The following PLCL2 variants were observed in gnomAD, a reference collection of about 807,000 sequenced individuals.
PLCL2 encodes the protein phospholipase C like 2.
A neutral mutation model predicts 79.6 loss-of-function variants in PLCL2; 4 were observed. The observed-to-expected ratio is 0.05, with a 90% CI of 0.02 to 0.11. The LOEUF (loss-of-function observed/expected upper bound fraction) is 0.11, where lower values mean the gene tolerates loss of function less well. Among genes scored for constraint, PLCL2 ranks in the 10% least tolerant of loss-of-function variants. The pLI is 1.00. For synonymous variants in PLCL2, 484 were observed against 457.7 expected, an observed-to-expected ratio of 1.06 and a Z score of -0.73; for missense variants, 895 against 1,291.0, an observed-to-expected ratio of 0.69 and a Z score of 4.70.
intron 4 of PLCL2, among the ~76,000 whole-genome samples, chr3:17,050,902 C>G (rs1403533170): frequency 6.6e-6 from 1 of 152,184 alleles, no homozygotes; most frequent in Non-Finnish European, 1.5e-5. Flanking sequence ...ACCTAAGCAT[C>G]TACCAACAGT....
At chr3:17,001,024 A>G (rs2064205631) in intron 1 of PLCL2, among the ~76,000 whole-genome samples, 1 of 152,078 alleles carries the variant, frequency 6.6e-6, no homozygotes, top group South Asian at 2.1e-4. Context: ...TGGCTATACT[A>G]ATTTACATTT....
intron 1 of PLCL2, among the ~76,000 whole-genome samples, chr3:16,981,625 T>C (rs917597067): frequency 6.6e-6 from 1 of 152,246 alleles, no homozygotes; most frequent in Non-Finnish European, 1.5e-5. Context: ...AAAACTGTAT[T>C]TGAAGATTAA....
At chr3:17,021,305 C>A (rs146524294) in intron 3 of PLCL2, among the ~76,000 whole-genome samples, 28 of 152,204 alleles carry the variant, frequency 1.8e-4, no homozygotes, top group Admixed American at 3.9e-4. Context: ...TCTCTGAAAT[C>A]ATCAAAACCA....
chr3:16,975,685 G>A (rs569605305), intron 1 of PLCL2, among the ~76,000 whole-genome samples: 1 of 152,258 alleles, frequency 6.6e-6, no homozygotes, highest in East Asian at 1.9e-4. Context: ...TGTGTGTGAG[G>A]AGGTGTGCCC....
chr3:16,928,435 A>T (rs1697309772), intron 1 of PLCL2, among the ~76,000 whole-genome samples: 1 of 152,176 alleles, frequency 6.6e-6, no homozygotes, highest in Admixed American at 6.5e-5. Context: ...TCCTCCAGGG[A>T]TGAGAAGCTT....
chr3:16,973,796 GT>G (rs2063897594), intron 1 of PLCL2, among the ~76,000 whole-genome samples: 2 of 152,286 alleles, frequency 1.3e-5, no homozygotes, highest in South Asian at 4.1e-4. Context: ...AATAGAAATA[GT>G]CATGATTTTG....
At chr3:16,889,882 G>T (rs1312659392) in intron 1 of PLCL2, among the ~76,000 whole-genome samples, 1 of 151,026 alleles carries the variant, frequency 6.6e-6, no homozygotes, top group East Asian at 2.0e-4. Flanking sequence ...ATTTTTTTTT[G>T]AATGGGGGAA....
At chr3:17,018,911 G>T (rs1319472587) in intron 3 of PLCL2, among the ~76,000 whole-genome samples, 1 of 152,076 alleles carries the variant, frequency 6.6e-6, no homozygotes, top group African/African-American at 2.4e-5. Flanking sequence ...GCAACATGAG[G>T]TAATATAAAG....
chr3:17,043,776 A>AT (rs1483573592), intron 4 of PLCL2, among the ~76,000 whole-genome samples: 2 of 151,880 alleles, frequency 1.3e-5, no homozygotes, highest in Non-Finnish European at 2.9e-5. Flanking sequence ...TATGTGTGAC[A>AT]TTTTTTTTCT....
intron 3 of PLCL2, among the ~76,000 whole-genome samples, chr3:17,016,808 A>C (rs978746189): frequency 1.4e-4 from 22 of 152,240 alleles, no homozygotes; most frequent in African/African-American, 5.3e-4. Context: ...CCACAAATAA[A>C]ATCACATACC....
intron 1 of PLCL2, among the ~76,000 whole-genome samples, chr3:16,914,786 G>T (rs7614547): frequency 0.13 from 20,427 of 151,874 alleles, 1,669 homozygotes; most frequent in African/African-American, 0.23. Context: ...ACCCAGGCTG[G>T]AGTGCAGTGG....
intron 1 of PLCL2, among the ~76,000 whole-genome samples, chr3:16,959,657 G>T (rs2063737616): frequency 6.6e-6 from 1 of 152,100 alleles, no homozygotes; most frequent in Non-Finnish European, 1.5e-5. Flanking sequence ...ACAAGCAGCA[G>T]ATATCACCTC....
intron 5 of PLCL2, among the ~76,000 whole-genome samples, chr3:17,080,116 G>T (rs776168930): frequency 6.6e-6 from 1 of 152,168 alleles, no homozygotes; most frequent in African/African-American, 2.4e-5. Flanking sequence ...TGCAGCTCAT[G>T]TTCCATGCCC....
chr3:16,898,046 C>T (rs1353291624), intron 1 of PLCL2, among the ~76,000 whole-genome samples: 2 of 152,036 alleles, frequency 1.3e-5, no homozygotes, highest in African/African-American at 2.4e-5. Flanking sequence ...GAAGCTTGTG[C>T]CCCTCACTTG....
At chr3:17,000,546 T>C (rs1351372063) in intron 1 of PLCL2, among the ~76,000 whole-genome samples, 1 of 152,068 alleles carries the variant, frequency 6.6e-6, no homozygotes, top group Admixed American at 6.6e-5. Flanking sequence ...ATTTCTTCTG[T>C]CATTTTATAC....
chr3:16,954,990 G>A (rs978487179), intron 1 of PLCL2, among the ~76,000 whole-genome samples: 35 of 152,200 alleles, frequency 2.3e-4, no homozygotes, highest in Non-Finnish European at 1.5e-5. Flanking sequence ...TGTTCACTCT[G>A]ATGGTAGTTT....
In PLCL2 at chr3:16,915,303, A is replaced by G. The variant is rs1325158053; in HGVS notation, c.327+29937A>G. 5.3e-5 allele frequency among the ~76,000 whole-genome samples: 8 copies of G among 152,232 alleles called. No individual in the cohort carries two copies. In the East Asian group the frequency reaches 1.3e-3, roughly 26 times the overall value. On this transcript the variant is annotated intron_variant, in intron 1 of 5. Transcript: ENST00000615277. ...ATATTTATTCTCACCTTGCCTATTT[A>G]TTTATTTACCTTGCAGTCTTTTTTA... is the stretch of plus-strand genomic sequence containing the variant.
At chr3:16,976,528 A>G (rs1048576717) in intron 1 of PLCL2, among the ~76,000 whole-genome samples, 1 of 152,180 alleles carries the variant, frequency 6.6e-6, no homozygotes, top group Non-Finnish European at 1.5e-5. Flanking sequence ...CTTAAAGTCA[A>G]TTTATTTACT....
At chr3:16,917,092 C>T (rs1271037728) in intron 1 of PLCL2, among the ~76,000 whole-genome samples, 4 of 152,134 alleles carry the variant, frequency 2.6e-5, no homozygotes, top group African/African-American at 9.7e-5. Context: ...TGGTACTTAG[C>T]CCCTTTCTGT....
Sources: allele counts gnomAD v4.1 joint callset (sites outside exome capture counted in the v4.1 genomes callset), GRCh38; gene constraint gnomAD v4.1.1; transcripts MANE v1.5; gene names NCBI Gene and HGNC (gene_info 2026-07-23, HGNC 2026-07-21).